Variants in TMEFF1 observed in about 807,000 individuals in gnomAD.
TMEFF1 encodes the protein transmembrane protein with EGF like and two follistatin like domains 1.
Under a neutral mutation model 47.5 loss-of-function variants are expected in TMEFF1, and 20 were observed. The ratio of observed to expected loss-of-function variants is 0.42; its 90% CI spans 0.30 to 0.61. TMEFF1 has a LOEUF of 0.61. TMEFF1 is among the 20% of genes least tolerant of loss of function. The pLI is 0.19. For synonymous variants in TMEFF1, 162 were observed against 166.3 expected (o/e 0.97, Z 0.20); for missense variants, 411 against 471.1 (o/e 0.87, Z 1.18).
intron 5 of TMEFF1, among the ~76,000 whole-genome samples, chr9:100,546,757 C>T (rs1317975888): frequency 6.6e-6 from 1 of 152,112 alleles, no homozygotes; most frequent in Non-Finnish European, 1.5e-5. Flanking sequence ...GTAAAGGTTC[C>T]TAGTCCTCTG....
rs1339478904 is a variant in TMEFF1 at position 100,473,949 on chromosome 9, G to A, written c.196+209G>A. Among the ~76,000 whole-genome samples, 1 of 151,938 alleles carries A rather than the reference G, an allele frequency of 6.6e-6. No individual in the cohort carries two copies. The highest frequency in any genetic ancestry group is 2.4e-5 in the African/African-American group (1 of 41,390). On this transcript the variant is annotated intron_variant, in intron 1 of 9. Coordinates refer to ENST00000374879, the MANE Select transcript of TMEFF1 (RefSeq NM_003692.5). This position sits in a 1 kb window ranked among gnomAD's most constrained non-coding sequence, Gnocchi z 5.4. ...GATGGGAGTGGCCGTGGGTGCGTCC[G>A]AGTGTGTCGAGTGGCTGGGCGAGGG...
rs775787780 is a variant in TMEFF1, at chr9:100,473,500, C to G, written c.-45C>G. ...CTCTGGGCGCGCGGCTGGATGCCCC[C>G]GGCCTGCGGCTCCCTGCGCTTCCCG... On this transcript the variant is annotated 5_prime_UTR_variant, in exon 1 of 10. Coordinates refer to ENST00000374879, the MANE Select transcript of TMEFF1 (RefSeq NM_003692.5). The surrounding 1 kb of genome is among the most constrained non-coding windows in gnomAD (Gnocchi z 5.4). The G allele has an allele frequency of 7.5e-7, 1 of 1,332,904 alleles. No homozygotes were observed. Among genetic ancestry groups the G allele is most frequent in the Non-Finnish European group, 9.6e-7 (1 of 1,045,532 alleles). The allele number at this position is 1,332,904 out of a possible 1,614,324, so 82.6% of individuals were successfully genotyped here.
intron 5 of TMEFF1, among the ~76,000 whole-genome samples, chr9:100,547,048 C>T (rs1312944640): frequency 6.6e-6 from 1 of 152,200 alleles, no homozygotes; most frequent in African/African-American, 2.4e-5. Flanking sequence ...CAGGGTCTCA[C>T]TCTGTCCCCC....
intron 2 of TMEFF1, among the ~76,000 whole-genome samples, chr9:100,506,335 T>G (rs1837860401): frequency 6.6e-6 from 1 of 152,200 alleles, no homozygotes; most frequent in Non-Finnish European, 1.5e-5. Flanking sequence ...ATTCCAGGAC[T>G]TATTTTACAT....
At chr9:100,546,340 G>A (rs568760830) in intron 5 of TMEFF1, among the ~76,000 whole-genome samples, 1 of 152,182 alleles carries the variant, frequency 6.6e-6, no homozygotes, top group Middle Eastern at 3.4e-3. Flanking sequence ...CTTGTGCAGA[G>A]AAACTCCCAT....
chr9:100,485,161 G>T (rs994036394), intron 1 of TMEFF1, among the ~76,000 whole-genome samples: 2 of 151,992 alleles, frequency 1.3e-5, no homozygotes, highest in Non-Finnish European at 1.5e-5. Context: ...TCATTGTCTC[G>T]ATAATACCAC....
intron 8 of TMEFF1, among the ~76,000 whole-genome samples, chr9:100,563,878 A>G (rs1839069738): frequency 6.6e-6 from 1 of 152,020 alleles, no homozygotes; most frequent in Admixed American, 6.6e-5. Flanking sequence ...CACAATTATA[A>G]CTCCTTAAAA....
chr9:100,501,532 G>A (rs10989120), intron 2 of TMEFF1, among the ~76,000 whole-genome samples: 27,896 of 151,858 alleles, frequency 0.18, 2,775 homozygotes, highest in South Asian at 0.32. Flanking sequence ...CATACTCTGT[G>A]CAATACAATA....
chr9:100,510,587 C>T (rs1031873538), intron 3 of TMEFF1, among the ~76,000 whole-genome samples: 6 of 152,140 alleles, frequency 3.9e-5, no homozygotes, highest in Admixed American at 6.5e-5. Context: ...CTCCCACCTC[C>T]GTCTCCTGAG....
At chr9:100,544,459 T>C (rs906895786) in intron 5 of TMEFF1, among the ~76,000 whole-genome samples, 22 of 152,190 alleles carry the variant, frequency 1.4e-4, no homozygotes, top group Admixed American at 3.9e-4. Flanking sequence ...TTCACTATCA[T>C]GAGAGCAGCA....
intron 5 of TMEFF1, among the ~76,000 whole-genome samples, chr9:100,535,208 C>G (rs901862637): frequency 6.6e-6 from 1 of 152,062 alleles, no homozygotes; most frequent in Non-Finnish European, 1.5e-5. Context: ...TTTTTTCCCC[C>G]TTGTTGTTTC....
intron 3 of TMEFF1, among the ~76,000 whole-genome samples, chr9:100,511,003 A>G (rs1476413117): frequency 6.6e-6 from 1 of 152,120 alleles, no homozygotes; most frequent in Non-Finnish European, 1.5e-5. Flanking sequence ...ATATCCTTCT[A>G]TCAGGTATGA....
chr9:100,518,871 G>A (rs1164720322), intron 5 of TMEFF1, among the ~76,000 whole-genome samples: 2 of 152,024 alleles, frequency 1.3e-5, no homozygotes, highest in East Asian at 3.9e-4. Context: ...TGTATCTAAA[G>A]GTAATTTTTA....
intron 7 of TMEFF1, among the ~76,000 whole-genome samples, chr9:100,557,770 T>G (rs764000450): frequency 4.6e-5 from 7 of 152,026 alleles, no homozygotes; most frequent in African/African-American, 7.2e-5. Context: ...CAGCTTTTCA[T>G]GTGTATATGC....
At chr9:100,543,707 ACACAC>A (rs1838678291) in intron 5 of TMEFF1, among the ~76,000 whole-genome samples, 4 of 92,748 alleles carry the variant, frequency 4.3e-5, no homozygotes, top group Non-Finnish European at 6.9e-5. Flanking sequence ...GAAGTAAAAC[ACACAC>A]ACACACACAC....
chr9:100,492,687 A>G (rs76406535), intron 1 of TMEFF1, among the ~76,000 whole-genome samples: 2,308 of 152,266 alleles, frequency 0.015, 29 homozygotes, highest in Non-Finnish European at 0.022. Context: ...TGGGGGGATA[A>G]TGAAGACTGT....
chr9:100,533,879 C>A (rs964896309), intron 5 of TMEFF1, among the ~76,000 whole-genome samples: 5 of 152,036 alleles, frequency 3.3e-5, no homozygotes, highest in African/African-American at 7.2e-5. Flanking sequence ...CCACCATGCC[C>A]AGCTAATGTT....
intron 1 of TMEFF1, among the ~76,000 whole-genome samples, chr9:100,485,015 G>T (rs1463603301): frequency 2.0e-5 from 3 of 152,110 alleles, no homozygotes; most frequent in African/African-American, 4.8e-5. Flanking sequence ...GTCTATTCTG[G>T]ACATTTCATA....
intron 9 of TMEFF1, among the ~76,000 whole-genome samples, chr9:100,574,712 A>G (rs1839314918): frequency 6.6e-6 from 1 of 152,062 alleles, no homozygotes; most frequent in Non-Finnish European, 1.5e-5. Flanking sequence ...AATGAGAAAC[A>G]ATTCTGAGTT....
Sources: allele counts gnomAD v4.1 joint callset (sites outside exome capture counted in the v4.1 genomes callset), GRCh38; gene constraint gnomAD v4.1.1; non-coding constraint Gnocchi (gnomAD v3.1); transcripts MANE v1.5; gene names NCBI Gene and HGNC (gene_info 2026-07-23, HGNC 2026-07-21).